Variants in TUB observed in about 807,000 individuals in gnomAD.
TUB encodes TUB bipartite transcription factor, also known as tubby protein homolog.
A neutral mutation model predicts 59.7 loss-of-function variants in TUB; 33 were observed. The ratio of observed to expected loss-of-function variants is 0.55; its 90% CI spans 0.42 to 0.74. The LOEUF (loss-of-function observed/expected upper bound fraction) is 0.74, where lower values mean the gene tolerates loss of function less well. TUB is among the 30% of genes least tolerant of loss of function. The pLI, the probability that TUB is intolerant of heterozygous loss-of-function variation, is 0.00. For missense variants in TUB, 659 were observed against 672.0 expected (o/e 0.98, Z 0.21); for synonymous variants, 293 against 256.4 (o/e 1.14, Z -1.36).
chr11:8,064,177 G>A (rs921060469), intron 2 of TUB, among the ~76,000 whole-genome samples: 9 of 152,270 alleles, frequency 5.9e-5, no homozygotes, highest in East Asian at 3.9e-4. Context: ...GAGGCTGAAC[G>A]ATGAATATGG....
rs1045139772 is a variant in TUB at position 8,019,414 on chromosome 11, C to A, written c.56+56C>A. On this transcript the variant is annotated intron_variant, in intron 1 of 11. Transcript: ENST00000534099. ...GCGCCTGCTGACCCTCGATCTCCTGCGGGAGAAGCGGGCCTCCGGGGGCTA... is the reference window on the plus strand; with the variant it reads ...GCGCCTGCTGACCCTCGATCTCCTGAGGGAGAAGCGGGCCTCCGGGGGCTA... 1.3e-5 allele frequency: 16 copies of A among 1,225,972 alleles called. No individual in the cohort carries two copies. In the East Asian group the frequency reaches 1.9e-4, roughly 15 times the overall value. The allele number at this position is 1,225,972 out of a possible 1,614,324, so 75.9% of individuals were successfully genotyped here.
chr11:8,057,188 G>T (rs1943033897), intron 2 of TUB, among the ~76,000 whole-genome samples: 1 of 152,108 alleles, frequency 6.6e-6, no homozygotes, highest in African/African-American at 2.4e-5. Context: ...CAGCTCATGA[G>T]AATCGATTGC....
At chr11:8,046,745 C>G (rs905839571) in intron 2 of TUB, among the ~76,000 whole-genome samples, 2 of 152,040 alleles carry the variant, frequency 1.3e-5, no homozygotes, top group Non-Finnish European at 2.9e-5. Flanking sequence ...AAGCCAGAGT[C>G]AGTTTTCCAA....
rs760674854 is a variant in TUB, at chr11:8,104,435, TGTCTGTGC to T, written c.*2824_*2831del. The T allele has an allele frequency of 3.3e-5, 5 of 152,348 alleles. No homozygotes were observed. The highest frequency in any genetic ancestry group is 1.9e-4 in the East Asian group (1 of 5,190). 9.4% of individuals were successfully genotyped at this position (152,348 alleles called of 1,614,324 possible). Reference sequence around the variant, plus strand: ...CTCTGTGTCCGTCTGTGTATGTGTGTGTCTGTGCGTCTGTGTGTTTATTTGGGGAAAAG... The same window carrying T: ...CTCTGTGTCCGTCTGTGTATGTGTGTGTCTGTGTGTTTATTTGGGGAAAAG... On this transcript the variant is annotated 3_prime_UTR_variant, in exon 12 of 12. Coordinates refer to ENST00000299506, the MANE Select transcript of TUB (RefSeq NM_177972.3).
At chr11:8,093,828 C>T (rs1453901489) in intron 3 of TUB, among the ~76,000 whole-genome samples, 1 of 152,166 alleles carries the variant, frequency 6.6e-6, no homozygotes, top group Non-Finnish European at 1.5e-5. Flanking sequence ...TTACACTGGG[C>T]TGGGGGTGCC....
chr11:8,085,452 C>T (rs1269802894), intron 1 of TUB, among the ~76,000 whole-genome samples: 3 of 152,210 alleles, frequency 2.0e-5, no homozygotes, highest in Non-Finnish European at 4.4e-5. Context: ...CCTTCTGGAG[C>T]TGCACTGGTT....
intron 1 of TUB, 41 bp from the exon 2 acceptor site, chr11:8,089,569 C>T (rs1039998664): frequency 1.9e-6 from 3 of 1,613,800 alleles, no homozygotes; most frequent in African/African-American, 1.3e-5. Flanking sequence ...TATCCTGGCA[C>T]CTCACGGGCA....
chr11:8,038,194 G>A (rs986567344), upstream of TUB, among the ~76,000 whole-genome samples: 6 of 152,174 alleles, frequency 3.9e-5, 1 homozygote, highest in South Asian at 4.1e-4. Context: ...TGGGACATCC[G>A]GGGTGCAGGG....
chr11:8,076,672 A>G (rs542429280), upstream of TUB: 1 of 152,350 alleles, frequency 6.6e-6, no homozygotes, highest in African/African-American at 2.4e-5. Context: ...CATGCACTCA[A>G]CAAATGATAG....
upstream of TUB, among the ~76,000 whole-genome samples, chr11:8,080,406 C>T (rs1943526290): frequency 6.6e-6 from 1 of 152,190 alleles, no homozygotes; most frequent in Non-Finnish European, 1.5e-5. Context: ...TGGTCCTAGT[C>T]ACAGCCAGGA....
chr11:8,077,847 A>G (rs1443233545), upstream of TUB: 1 of 152,048 alleles, frequency 6.6e-6, no homozygotes, highest in Non-Finnish European at 1.5e-5. Flanking sequence ...CCTGACCCCC[A>G]CTAAGGCCAC....
upstream of TUB, among the ~76,000 whole-genome samples, chr11:8,079,128 A>T (rs545843804): frequency 6.6e-6 from 1 of 152,264 alleles, no homozygotes; most frequent in Admixed American, 6.5e-5. Flanking sequence ...AGACCTTCCA[A>T]CTAAATTCTG....
intron 2 of TUB, among the ~76,000 whole-genome samples, chr11:8,071,954 C>G (rs1186933994): frequency 6.6e-6 from 1 of 152,246 alleles, no homozygotes; most frequent in East Asian, 1.9e-4. Flanking sequence ...ATGCCCAGCT[C>G]AGAATCCCAG....
At chr11:8,095,705 G>C (rs1943961600) in intron 5 of TUB, 40 bp downstream of exon 5, 1 of 1,549,760 alleles carries the variant, frequency 6.5e-7, no homozygotes, top group Non-Finnish European at 8.7e-7. Context: ...CCAAAACTCA[G>C]TCCCAGGTTC....
rs571661740 is a variant in TUB at position 8,095,972 on chromosome 11, T to A, written c.565+307T>A. Among the ~76,000 whole-genome samples, 11 of 152,304 alleles carry A rather than the reference T, an allele frequency of 7.2e-5. No individual in the cohort carries two copies. The East Asian group carries it at 1.2e-3, about 16-fold the overall frequency. ...AGGGCCAGGATACCAAGAGACGGGG[T>A]AGATCCTCCGTGGAAACCTGCTGTT... On this transcript the variant is annotated intron_variant, in intron 5 of 11. Coordinates refer to ENST00000299506, the MANE Select transcript of TUB (RefSeq NM_177972.3).
chr11:8,074,596 A>G (rs898690838), intron 2 of TUB, among the ~76,000 whole-genome samples: 1 of 151,720 alleles, frequency 6.6e-6, no homozygotes, highest in Non-Finnish European at 1.5e-5. Flanking sequence ...AAAATTAGCC[A>G]GGTGTGGTGG....
chr11:8,073,601 C>T (rs1466278189), intron 2 of TUB, among the ~76,000 whole-genome samples: 2 of 152,330 alleles, frequency 1.3e-5, no homozygotes, highest in South Asian at 2.1e-4. Flanking sequence ...AGCTCTCTCC[C>T]GCTCTTCCTG....
At position 8,101,855 on chromosome 11, in the gene TUB, T is replaced by TGATATG; in HGVS notation, c.*237_*238insATATGG. 2.1e-6 allele frequency: 1 copy of TGATATG among 475,822 alleles called. No homozygotes were observed. The allele number at this position is 475,822 out of a possible 1,614,324, so 29.5% of individuals were successfully genotyped here. On this transcript the variant is annotated 3_prime_UTR_variant, in exon 12 of 12. Transcript: ENST00000299506. ...GAAGGGATGAGAATAATTCTTTCCATGCCACGAGATCAACACACACTCCCA... is the reference window on the plus strand; with the variant it reads ...GAAGGGATGAGAATAATTCTTTCCATGATATGGCCACGAGATCAACACACACTCCCA...
At chr11:8,095,980 C>T (rs1037059441) in intron 5 of TUB, among the ~76,000 whole-genome samples, 1 of 152,236 alleles carries the variant, frequency 6.6e-6, no homozygotes, top group Non-Finnish European at 1.5e-5. Context: ...GGTAGATCCT[C>T]CGTGGAAACC....
Sources: allele counts gnomAD v4.1 joint callset (sites outside exome capture counted in the v4.1 genomes callset), GRCh38; gene constraint gnomAD v4.1.1; transcripts MANE v1.5; gene names NCBI Gene and HGNC (gene_info 2026-07-23, HGNC 2026-07-21).